TMEM92: variants seen among roughly 807,000 people sequenced by gnomAD.
TMEM92 encodes the protein transmembrane protein 92.
In TMEM92, 15 loss-of-function variants were observed where a neutral mutation model predicts 14.6. The observed-to-expected ratio is 1.03, with a 90% CI of 0.69 to 1.58. The LOEUF (loss-of-function observed/expected upper bound fraction) is 1.58, where lower values mean the gene tolerates loss of function less well. Ranked by LOEUF, TMEM92 falls within the 40% of genes most tolerant of loss-of-function variation. TMEM92 has a pLI of 0.00. For missense variants in TMEM92, 174 were observed against 202.4 expected, an observed-to-expected ratio of 0.86 and a Z score of 0.85; for synonymous variants, 85 against 83.3, an observed-to-expected ratio of 1.02 and a Z score of -0.11.
rs897880323 is a variant in TMEM92 at position 50,279,405 on chromosome 17, C to T, written c.*97C>T. ...CTGGCACCCCAGGAATGTCCCTGCC[C>T]ATCCTGCCGTGTCTCTGTTCATTCT... is the stretch of plus-strand genomic sequence containing the variant. On this transcript the variant is annotated 3_prime_UTR_variant, in exon 5 of 5. Coordinates refer to ENST00000507382, the MANE Select transcript of TMEM92 (RefSeq NM_153229.3). 3.4e-5 allele frequency: 32 copies of T among 945,280 alleles called. No homozygotes were observed. Among genetic ancestry groups the T allele is most frequent in the Non-Finnish European group, 5.4e-5 (32 of 593,300 alleles). 58.6% of individuals were successfully genotyped at this position (945,280 alleles called of 1,614,324 possible). A position where few individuals can be genotyped will look rare whatever the true frequency, so the allele number is the denominator to read the frequency against.
In TMEM92 at chr17:50,278,952, A is replaced by G; in HGVS notation, c.322A>G (p.Arg108Gly). ...ACTGCCCTCCATCATCCCCCCAGAG[A>G]GGGTCAGAGTATCCCTTTCTGCGCC... ...LELPSIIPPE[R>G]VRVSLSAPPP... is the part of the protein sequence containing the mutation. The change falls in exon 4 of 5, where the codon AGG becomes GGG. Residue 108 changes from arginine to glycine, a missense_variant. Transcript: ENST00000507382. 3 of 1,612,852 alleles carry G rather than the reference A, an allele frequency of 1.9e-6. No homozygotes were observed. Among genetic ancestry groups the G allele is most frequent in the Non-Finnish European group, 2.5e-6 (3 of 1,179,458 alleles).
Position 50,279,230 on chromosome 17 carries a change from A to G in TMEM92, c.402A>G (p.Thr134=). 6.2e-7 allele frequency: 1 copy of G among 1,613,962 alleles called. No individual in the cohort carries two copies. Residue 134 remains threonine (T), a synonymous_variant, in exon 5 of 5, where the codon ACA becomes ACG. Coordinates refer to ENST00000507382, the MANE Select transcript of TMEM92 (RefSeq NM_153229.3). ...AGCCCAGCCTGGGCCCAACTCCCAC[A>G]GAGCCACCCCCTCCCTACAGCTTCA... ...ILKPSLGPTP[T]EPPPPYSFRP...
At chr17:50,279,042 C>T (rs1301278854) in intron 4 of TMEM92, 46 bp downstream of exon 4, 2 of 1,454,094 alleles carry the variant, frequency 1.4e-6, no homozygotes, top group African/African-American at 1.4e-5. Context: ...GCCGGCTGTG[C>T]AGCAGAGACA....
intron 4 of TMEM92, 25 bp downstream of exon 4, chr17:50,279,021 C>T: frequency 6.5e-7 from 1 of 1,536,080 alleles, no homozygotes; most frequent in South Asian, 1.1e-5. Flanking sequence ...CCCATCCCCA[C>T]CTTGCCTCTG....
upstream of TMEM92, chr17:50,271,517 C>G (rs1297832470): frequency 6.6e-6 from 1 of 152,006 alleles, no homozygotes; most frequent in African/African-American, 2.4e-5. Flanking sequence ...GGCTTAATTG[C>G]TTTTGTTTTC....
At chr17:50,278,499 C>A in intron 2 of TMEM92, 57 bp from the exon 3 acceptor site, 2 of 1,595,200 alleles carry the variant, frequency 1.3e-6, no homozygotes. Flanking sequence ...GATCCTTCTG[C>A]CTCTCCATTC....
Position 50,279,405 on chromosome 17 carries a change from C to A in TMEM92, c.*97C>A. ...CTGGCACCCCAGGAATGTCCCTGCC[C>A]ATCCTGCCGTGTCTCTGTTCATTCT... On this transcript the variant is annotated 3_prime_UTR_variant, in exon 5 of 5. Coordinates refer to ENST00000507382, the MANE Select transcript of TMEM92 (RefSeq NM_153229.3). 1.1e-6 allele frequency: 1 copy of A among 945,400 alleles called. No homozygotes were observed. The highest frequency in any genetic ancestry group is 1.7e-6 in the Non-Finnish European group (1 of 593,294). The allele number at this position is 945,400 out of a possible 1,614,324, so 58.6% of individuals were successfully genotyped here.
intron 1 of TMEM92, among the ~76,000 whole-genome samples, chr17:50,276,420 T>C (rs954801554): frequency 1.3e-5 from 2 of 152,226 alleles, no homozygotes; most frequent in African/African-American, 4.8e-5. Context: ...GTACTCAGCC[T>C]GGGACTGAGC....
Position 50,274,617 on chromosome 17 carries a change from T to C in TMEM92, c.69+47T>C, listed in dbSNP as rs199956412. 1.4e-4 allele frequency: 211 copies of C among 1,558,942 alleles called. No individual in the cohort carries two copies. The African/African-American group carries it at 2.6e-3, about 19-fold the overall frequency. On this transcript the variant is annotated intron_variant, in intron 1 of 4. Transcript: ENST00000507382. Reference sequence around the variant, plus strand: ...GTTGAACTTTTGGGCCCTACCCTTGTAGGTCAGGAGCCTGCTTCTGGAGCC... The same window carrying C: ...GTTGAACTTTTGGGCCCTACCCTTGCAGGTCAGGAGCCTGCTTCTGGAGCC...
intron 1 of TMEM92, chr17:50,274,827 C>T: frequency 1.9e-6 from 1 of 531,216 alleles, no homozygotes; most frequent in Non-Finnish European, 3.3e-6. Context: ...TTATCTGACA[C>T]CTAGCACGTC....
At chr17:50,278,046 A>G (rs1194765292) in intron 2 of TMEM92, among the ~76,000 whole-genome samples, 1 of 152,192 alleles carries the variant, frequency 6.6e-6, no homozygotes. Context: ...GCTAACCCTA[A>G]GAGAGAAATC....
intron 3 of TMEM92, 42 bp downstream of exon 3, chr17:50,278,672 G>T: frequency 1.2e-6 from 2 of 1,604,376 alleles, no homozygotes; most frequent in Non-Finnish European, 1.7e-6. Context: ...TCCTTGGAGG[G>T]GCCTGGTCCT....
intron 2 of TMEM92, among the ~76,000 whole-genome samples, chr17:50,278,254 T>A (rs1168901340): frequency 6.6e-6 from 1 of 152,028 alleles, no homozygotes. Context: ...ATGAGGAGTG[T>A]CATGGCCGCT....
In TMEM92 at chr17:50,278,557, G is replaced by T. The variant is rs1567788434; in HGVS notation, c.97G>T (p.Ala33Ser). 1 of 1,613,988 alleles carries T rather than the reference G, an allele frequency of 6.2e-7. No homozygotes were observed. The highest frequency in any genetic ancestry group is 8.5e-7 in the Non-Finnish European group (1 of 1,179,964). The stretch of plus-strand genomic sequence containing the variant: ...CCCTTTTCTGTGCCCTCTGACCAGT[G>T]CCTGCCCCAAAGGATTCAAATGCTG... ...KIAAKCGLIL[A>S]CPKGFKCCGD... Residue 33 changes from alanine to serine, a missense_variant and splice_region_variant, in exon 3 of 5, where the codon GCC becomes TCC. Physicochemically the swap from Ala to Ser is moderately conservative, Grantham distance 99 (BLOSUM62 1). Transcript: ENST00000507382.
chr17:50,273,625 T>C (rs1910323937), upstream of TMEM92, among the ~76,000 whole-genome samples: 1 of 152,258 alleles, frequency 6.6e-6, no homozygotes, highest in African/African-American at 2.4e-5. Flanking sequence ...GTTGTGCTCC[T>C]GGTCTTCCTT....
At chr17:50,274,897 C>T (rs551716482) in intron 1 of TMEM92, 18 of 333,162 alleles carry the variant, frequency 5.4e-5, no homozygotes, top group African/African-American at 3.1e-4. Flanking sequence ...AGCTCCTTCC[C>T]GCCTGAGCTT....
intron 2 of TMEM92, 71 bp downstream of exon 2, chr17:50,277,811 T>A: frequency 6.3e-7 from 1 of 1,594,100 alleles, no homozygotes; most frequent in Non-Finnish European, 8.6e-7. Flanking sequence ...CCTGCATGCC[T>A]TGGGGGGTGT....
At chr17:50,274,128 G>A (rs943443432), upstream of TMEM92, among the ~76,000 whole-genome samples, 6 of 151,102 alleles carry the variant, frequency 4.0e-5, no homozygotes, top group South Asian at 1.1e-3. Context: ...ACAGGCACCC[G>A]CCACCACGCC....
At position 50,279,289 on chromosome 17, in the gene TMEM92, T is replaced by C. The variant is rs1375839586; in HGVS notation, c.461T>C (p.Ile154Thr). Residue 154 changes from isoleucine (I) to threonine (T), a missense_variant, in exon 5 of 5, where the codon ATT (isoleucine) becomes ACT (threonine). Transcript: ENST00000507382. ...GAATATACCGGGGATCAGAGGGGCA[T>C]TGACAACCCGGCCTTCTGAGTCACC... ...PEEYTGDQRG[I>T]DNPAF 2.5e-6 allele frequency: 4 copies of C among 1,613,848 alleles called. No individual in the cohort carries two copies. Among genetic ancestry groups the C allele is most frequent in the Non-Finnish European group, 3.4e-6 (4 of 1,179,872 alleles).
Sources: gnomAD v4.1 joint callset for allele counts (sites outside exome capture counted in the v4.1 genomes callset) on GRCh38, gnomAD v4.1.1 for gene constraint, MANE v1.5 for transcripts, NCBI Gene and HGNC (gene_info 2026-07-23, HGNC 2026-07-21) for gene names.